Variants in PHIP observed in about 807,000 individuals in gnomAD.
PHIP encodes the protein PHIP subunit of CUL4-Ring ligase complex, also known as PH-interacting protein.
Under a neutral mutation model 236.8 loss-of-function variants are expected in PHIP, and 54 were observed. That is an observed-to-expected ratio of 0.23 (90% CI 0.18 to 0.29). The LOEUF is 0.29. Ranked by LOEUF, PHIP falls within the 10% of genes least tolerant of loss-of-function variation. The pLI, the probability that PHIP is intolerant of heterozygous loss-of-function variation, is 1.00. For synonymous variants in PHIP, 756 were observed against 718.9 expected, an observed-to-expected ratio of 1.05 and a Z score of -0.83; for missense variants, 1,370 against 2,190.8, an observed-to-expected ratio of 0.63 and a Z score of 7.48.
intron 7 of PHIP, among the ~76,000 whole-genome samples, chr6:79,030,100 A>C (rs1303624104): frequency 6.6e-6 from 1 of 152,188 alleles, no homozygotes; most frequent in Admixed American, 6.6e-5. Context: ...TCTAAGGTGT[A>C]TGAAAGAAAA....
At chr6:79,075,038 A>G (rs369235912) in intron 4 of PHIP, among the ~76,000 whole-genome samples, 21 of 152,280 alleles carry the variant, frequency 1.4e-4, no homozygotes, top group African/African-American at 5.1e-4. Context: ...GTAATTTTCA[A>G]ATCAATGTTA....
At chr6:79,038,237 G>C (rs1028065424) in intron 7 of PHIP, among the ~76,000 whole-genome samples, 1 of 152,230 alleles carries the variant, frequency 6.6e-6, no homozygotes, top group Non-Finnish European at 1.5e-5. Context: ...TGGAGGCTGG[G>C]AAGGCCAAGG....
intron 24 of PHIP, among the ~76,000 whole-genome samples, chr6:78,971,878 A>C (rs1048500317): frequency 5.3e-5 from 8 of 152,076 alleles, no homozygotes; most frequent in African/African-American, 1.9e-4. Flanking sequence ...GGAGGGTCCT[A>C]CCCCACGGAG....
chr6:79,049,628 A>G (rs1031100119), intron 6 of PHIP, among the ~76,000 whole-genome samples: 1 of 152,214 alleles, frequency 6.6e-6, no homozygotes, highest in African/African-American at 2.4e-5. Flanking sequence ...TTGGAACTCC[A>G]TGACACTAAA....
At chr6:78,965,888 GA>G (rs899993979) in intron 28 of PHIP, 56 bp downstream of exon 28, 163 of 1,312,494 alleles carry the variant, frequency 1.2e-4, no homozygotes, top group Non-Finnish European at 1.5e-4. Context: ...TTAATAGATG[GA>G]AAAAAAAATT....
Position 78,970,182 on chromosome 6 carries a change from G to T in PHIP, c.2998-9C>A. 6.2e-7 allele frequency: 1 copy of T among 1,607,860 alleles called. No individual in the cohort carries two copies. The highest frequency in any genetic ancestry group is 1.1e-5 in the South Asian group (1 of 90,646). ...TTCATAAGTTCTTGTTCCTGAGAGA[G>T]ACAGAGAATATAAGGAACCATCTTT... On this transcript the variant is annotated splice_polypyrimidine_tract_variant and intron_variant, in intron 25 of 39. Coordinates refer to ENST00000275034, the MANE Select transcript of PHIP (RefSeq NM_017934.7).
At chr6:78,997,231 A>C (rs1769681389) in intron 19 of PHIP, among the ~76,000 whole-genome samples, 183 bp downstream of exon 19, 1 of 152,146 alleles carries the variant, frequency 6.6e-6, no homozygotes, top group Non-Finnish European at 1.5e-5. Context: ...TCATTTACAT[A>C]AATCATTCTA....
Position 79,078,122 on chromosome 6 carries a change from CG to C in PHIP, c.-55del. The C allele has an allele frequency of 6.3e-7, 1 of 1,587,978 alleles. No homozygotes were observed. The highest frequency in any genetic ancestry group is 2.3e-5 in the East Asian group (1 of 44,090). On this transcript the variant is annotated 5_prime_UTR_variant, in exon 1 of 40. Transcript: ENST00000275034. ...GGGACACCCCGCCGCCGAGGGGAAG[CG>C]GGGACGGTGCCGCCGCCTGCCCTAT...
At position 78,945,443 on chromosome 6, in the gene PHIP, C is replaced by G. The variant is rs760510363; in HGVS notation, c.4685G>C (p.Gly1562Ala). ...AGTGCCATGACTAAAACTGGATTGA[C>G]CAGGACTGGAAAGAGTATTCAAAGC... Reference protein sequence around the residue: ...SKALNTLSSPGQSSFSHGTRN... With the variant: ...SKALNTLSSPAQSSFSHGTRN... The change falls in exon 39 of 40, where the codon GGT becomes GCT. Residue 1562 changes from glycine to alanine, a missense_variant. By Grantham distance (60) the Gly-to-Ala change is moderately conservative (BLOSUM62 0). Coordinates refer to ENST00000275034, the MANE Select transcript of PHIP (RefSeq NM_017934.7). 6.2e-7 allele frequency: 1 copy of G among 1,611,112 alleles called. No individual in the cohort carries two copies. The highest frequency in any genetic ancestry group is 1.3e-5 in the African/African-American group (1 of 74,938).
At chr6:78,943,990 TAAAAAAAAAA>T (rs558983037) in intron 39 of PHIP, among the ~76,000 whole-genome samples, 1 of 78,144 alleles carries the variant, frequency 1.3e-5, no homozygotes, top group African/African-American at 5.2e-5. Flanking sequence ...TGTCTTTTTT[TAAAAAAAAAA>T]AAAAAAAAAA....
intron 9 of PHIP, among the ~76,000 whole-genome samples, chr6:79,024,806 A>AAAAT (rs113760806): frequency 0.012 from 1,782 of 152,132 alleles, 25 homozygotes; most frequent in African/African-American, 0.032. Context: ...CTCCGTCTCA[A>AAAAT]AAATAAATAA....
At position 78,998,206 on chromosome 6, in the gene PHIP, C is replaced by T. The variant is rs11752126; in HGVS notation, c.2017+48G>A. 0.38 allele frequency: 564,242 copies of T among 1,479,412 alleles called. 113,541 individuals are homozygous for T. Among genetic ancestry groups the T allele is most frequent in the East Asian group, 0.67 (29,468 of 43,934 alleles). 91.6% of individuals were successfully genotyped at this position (1,479,412 alleles called of 1,614,324 possible). A position where few individuals can be genotyped will look rare whatever the true frequency, so the allele number is the denominator to read the frequency against. On this transcript the variant is annotated intron_variant, in intron 18 of 39. Coordinates refer to ENST00000275034, the MANE Select transcript of PHIP (RefSeq NM_017934.7). ...CACTTAACACTGTGGGAGATTTAGG[C>T]TGTTTCAAATTTTTAAATATTTCAC...
intron 4 of PHIP, among the ~76,000 whole-genome samples, chr6:79,061,167 C>G (rs560847703): frequency 6.6e-6 from 1 of 152,016 alleles, no homozygotes; most frequent in South Asian, 2.1e-4. Flanking sequence ...TAATTTATAC[C>G]GGCATTTGAA....
At chr6:78,966,453 G>GC (rs1767139805) in intron 27 of PHIP, among the ~76,000 whole-genome samples, 1 of 152,034 alleles carries the variant, frequency 6.6e-6, no homozygotes, top group Non-Finnish European at 1.5e-5. Context: ...CTTTCTGTAA[G>GC]CAAGTTTCCC....
At chr6:78,967,220 A>G (rs879799327) in intron 27 of PHIP, among the ~76,000 whole-genome samples, 6 of 152,216 alleles carry the variant, frequency 3.9e-5, no homozygotes, top group African/African-American at 7.2e-5. Context: ...GAGCCAGGAG[A>G]AAAGTTAATA....
intron 39 of PHIP, among the ~76,000 whole-genome samples, chr6:78,943,094 A>G (rs1773584548): frequency 1.3e-5 from 2 of 152,196 alleles, no homozygotes; most frequent in African/African-American, 2.4e-5. Context: ...CTGAAATAAC[A>G]TTTTGGATAT....
At chr6:79,001,181 C>T (rs1314912116) in intron 17 of PHIP, among the ~76,000 whole-genome samples, 2 of 151,942 alleles carry the variant, frequency 1.3e-5, no homozygotes, top group African/African-American at 4.8e-5. Context: ...CTGGTTTAAC[C>T]TTCTTTACAG....
chr6:78,959,835 C>A (rs556710601), intron 31 of PHIP, among the ~76,000 whole-genome samples: 1 of 152,060 alleles, frequency 6.6e-6, no homozygotes, highest in Non-Finnish European at 1.5e-5. Flanking sequence ...TCCTGATAAA[C>A]CCACTGTAAA....
In PHIP at chr6:78,998,100, G is replaced by A. The variant is rs150375438; in HGVS notation, c.2017+154C>T. 6.5e-3 allele frequency among the ~76,000 whole-genome samples: 987 copies of A among 152,168 alleles called. 5 individuals carry two copies. The highest frequency in any genetic ancestry group is 8.2e-3 in the Admixed American group (126 of 15,278). ...ATCTCATTATGAACCATTTTCTTAG[G>A]TCATTAAATATTCTTCAAAACCATG... On this transcript the variant is annotated intron_variant, in intron 18 of 39. Transcript: ENST00000275034.
Sources: allele counts gnomAD v4.1 joint callset (sites outside exome capture counted in the v4.1 genomes callset), GRCh38; gene constraint gnomAD v4.1.1; transcripts MANE v1.5; gene names NCBI Gene and HGNC (gene_info 2026-07-23, HGNC 2026-07-21).